HYDIN: variants seen among roughly 807,000 people sequenced by gnomAD.
HYDIN encodes the protein axonemal central pair apparatus protein HYDIN.
A neutral mutation model predicts 403.9 loss-of-function variants in HYDIN; 132 were observed. That is an observed-to-expected ratio of 0.33 (90% CI 0.28 to 0.38). The LOEUF is 0.38. HYDIN is among the 10% of genes least tolerant of loss of function. The pLI is 1.00. For synonymous variants in HYDIN, 1,202 were observed against 1,891.7 expected, an observed-to-expected ratio of 0.64 and a Z score of 9.46; for missense variants, 2,827 against 5,009.5, an observed-to-expected ratio of 0.56 and a Z score of 13.15.
At chr16:70,856,866 G>A (rs1389758886) in intron 72 of HYDIN, among the ~76,000 whole-genome samples, 2 of 152,244 alleles carry the variant, frequency 1.3e-5, no homozygotes, top group East Asian at 1.9e-4. Flanking sequence ...CAGGATGAAT[G>A]TGGAGAGATT....
At chr16:71,158,797 T>C (rs1156278384) in intron 6 of HYDIN, among the ~76,000 whole-genome samples, 2 of 150,300 alleles carry the variant, frequency 1.3e-5, no homozygotes, top group Admixed American at 1.3e-4. Context: ...TCCTCTTACC[T>C]TGGCCTCCCA....
At chr16:70,963,906 AC>A (rs966020473) in intron 37 of HYDIN, among the ~76,000 whole-genome samples, 3 of 149,706 alleles carry the variant, frequency 2.0e-5, no homozygotes, top group Non-Finnish European at 4.4e-5. Flanking sequence ...CAATGCCTTT[AC>A]GGGGACTTCT....
In HYDIN at chr16:70,806,154, A is replaced by G. The variant is rs1240947719; in HGVS notation, c.*1426T>C. On this transcript the variant is annotated 3_prime_UTR_variant, in exon 86 of 86. Transcript: ENST00000393567. ...GCTGGCATATTATTATAATTATTAC[A>G]TTTTATTATTATTATTGTTAATGTC... Among the ~76,000 whole-genome samples the G allele has an allele frequency of 1.3e-5, 2 of 152,164 alleles. No homozygotes were observed. Among genetic ancestry groups the G allele is most frequent in the Non-Finnish European group, 2.9e-5 (2 of 68,042 alleles).
chr16:71,197,789 C>G (rs1204631430), intron 1 of HYDIN, among the ~76,000 whole-genome samples: 1 of 152,150 alleles, frequency 6.6e-6, no homozygotes, highest in Admixed American at 6.5e-5. Flanking sequence ...TCTTACCCAC[C>G]CCGGCTGGAG....
chr16:71,097,976 A>C (rs1406752717), intron 10 of HYDIN, among the ~76,000 whole-genome samples: 1 of 152,084 alleles, frequency 6.6e-6, no homozygotes, highest in East Asian at 1.9e-4. Context: ...TTCCCCGTTA[A>C]ATGTCCGTTA....
intron 1 of HYDIN, among the ~76,000 whole-genome samples, chr16:71,193,157 T>C (rs1038482435): frequency 2.6e-5 from 4 of 152,254 alleles, no homozygotes; most frequent in South Asian, 2.1e-4. Context: ...TTCTTGCCTA[T>C]AGGGATCATG....
At chr16:71,217,724 T>C (rs547469200) in intron 1 of HYDIN, among the ~76,000 whole-genome samples, 3 of 152,312 alleles carry the variant, frequency 2.0e-5, no homozygotes, top group Non-Finnish European at 2.9e-5. Context: ...CCTAAAATCA[T>C]TGAAAGTATA....
At position 70,895,839 on chromosome 16, in the gene HYDIN, G is replaced by C. The variant is rs1193449002; in HGVS notation, c.9148+142C>G. On this transcript the variant is annotated intron_variant, in intron 54 of 85. Transcript: ENST00000393567. The stretch of plus-strand genomic sequence containing the variant: ...GTAGTCATGCTGCTAATATCACTCT[G>C]GGGCTCACATTATTATTTATTAAAA... 3 of 1,383,120 alleles carry C rather than the reference G, an allele frequency of 2.2e-6. No homozygotes were observed. The East Asian group carries it at 7.4e-5, about 34-fold the overall frequency. The allele number at this position is 1,383,120 out of a possible 1,614,324, so 85.7% of individuals were successfully genotyped here.
rs969536648 is a variant in HYDIN at position 70,804,925 on chromosome 16, C to T, written c.*2655G>A. On this transcript the variant is annotated 3_prime_UTR_variant, in exon 86 of 86. Coordinates refer to ENST00000393567, the MANE Select transcript of HYDIN (RefSeq NM_001270974.2). ...GGAGTTGCCCCTAGCCACCCCAAGG[C>T]TGGCTATAAGCCATGCTGGGGCTGG... 2.8e-4 allele frequency among the ~76,000 whole-genome samples: 42 copies of T among 152,362 alleles called. No homozygotes were observed. The highest frequency in any genetic ancestry group is 2.7e-3 in the Admixed American group (42 of 15,304).
chr16:71,222,365 C>T (rs1359880240), intron 1 of HYDIN, among the ~76,000 whole-genome samples: 1 of 152,024 alleles, frequency 6.6e-6, no homozygotes, highest in East Asian at 1.9e-4. Context: ...TACGACAAAC[C>T]CACAGCCAAC....
chr16:71,224,751 C>T (rs952854498), intron 1 of HYDIN, among the ~76,000 whole-genome samples: 59 of 151,270 alleles, frequency 3.9e-4, no homozygotes, highest in South Asian at 6.3e-4. Flanking sequence ...TTAGTAGAGA[C>T]GGGGTTTCAC....
In HYDIN at chr16:71,115,798, G is replaced by A; in HGVS notation, c.1228-3C>T. 2.7e-6 allele frequency: 2 copies of A among 727,942 alleles called. No individual in the cohort carries two copies. Among genetic ancestry groups the A allele is most frequent in the Non-Finnish European group, 4.9e-6 (2 of 405,568 alleles). The allele number at this position is 727,942 out of a possible 1,614,324, so 45.1% of individuals were successfully genotyped here. A position where few individuals can be genotyped will look rare whatever the true frequency, so the allele number is the denominator to read the frequency against. The stretch of plus-strand genomic sequence containing the variant: ...GAGTTGGGCCAGACATCACCTTCCT[G>A]AAAAACATGAAAGAATCATTAAAAA... On this transcript the variant is annotated splice_polypyrimidine_tract_variant and splice_region_variant and intron_variant, in intron 9 of 85. Transcript: ENST00000393567.
At chr16:70,927,868 A>C (rs369874778) in intron 45 of HYDIN, among the ~76,000 whole-genome samples, 1 of 152,170 alleles carries the variant, frequency 6.6e-6, no homozygotes, top group African/African-American at 2.4e-5. Context: ...CTAGAAAAAA[A>C]CACCCTTGAA....
chr16:71,205,141 A>G (rs111738727), intron 1 of HYDIN, among the ~76,000 whole-genome samples: 12 of 152,214 alleles, frequency 7.9e-5, no homozygotes, highest in African/African-American at 2.9e-4. Flanking sequence ...GGACGCTACA[A>G]TGGCAGACTA....
intron 25 of HYDIN, among the ~76,000 whole-genome samples, chr16:70,990,930 T>C (rs967000122): frequency 1.3e-5 from 2 of 152,240 alleles, no homozygotes; most frequent in African/African-American, 4.8e-5. Flanking sequence ...TTTCATTTTG[T>C]TTTTCATTTT....
intron 8 of HYDIN, among the ~76,000 whole-genome samples, chr16:71,136,102 G>A (rs1487207965): frequency 6.9e-6 from 1 of 145,952 alleles, no homozygotes; most frequent in East Asian, 2.0e-4. Flanking sequence ...CAGGGAGGTT[G>A]GAAGGAGATA....
intron 73 of HYDIN, among the ~76,000 whole-genome samples, chr16:70,854,570 A>T (rs2038897292): frequency 1.3e-5 from 2 of 149,624 alleles, no homozygotes; most frequent in African/African-American, 4.9e-5. Flanking sequence ...GCCCGCCAAC[A>T]CGCCTGGCTA....
At chr16:71,005,604 T>A (rs1220325832) in intron 23 of HYDIN, among the ~76,000 whole-genome samples, 1 of 152,228 alleles carries the variant, frequency 6.6e-6, no homozygotes, top group Non-Finnish European at 1.5e-5. Context: ...TAATATAGTA[T>A]AATACATTAC....
At chr16:71,093,339 G>C (rs901219798) in intron 11 of HYDIN, among the ~76,000 whole-genome samples, 1 of 152,100 alleles carries the variant, frequency 6.6e-6, no homozygotes, top group African/African-American at 2.4e-5. Context: ...GTCTCTTCCA[G>C]AAACTGATTG....
Sources: allele counts gnomAD v4.1 joint callset (sites outside exome capture counted in the v4.1 genomes callset), GRCh38; gene constraint gnomAD v4.1.1; transcripts MANE v1.5; gene names NCBI Gene and HGNC (gene_info 2026-07-23, HGNC 2026-07-21).